TMEM248: variants seen among roughly 807,000 people sequenced by gnomAD.
TMEM248 encodes transmembrane protein 248.
TMEM248 carries 9 observed loss-of-function variants against 30.3 expected under a neutral mutation model. The observed-to-expected ratio is 0.30, with a 90% CI of 0.18 to 0.52. The LOEUF is 0.52. Ranked by LOEUF, TMEM248 falls within the 20% of genes least tolerant of loss-of-function variation. The pLI is 0.97. For synonymous variants in TMEM248, 184 were observed against 154.4 expected (o/e 1.19, Z -1.42); for missense variants, 338 against 403.3 (o/e 0.84, Z 1.39).
At chr7:66,928,053 A>G (rs1472755712) in intron 1 of TMEM248, among the ~76,000 whole-genome samples, 1 of 152,144 alleles carries the variant, frequency 6.6e-6, no homozygotes, top group Non-Finnish European at 1.5e-5. Context: ...TGTCTCTACT[A>G]AAAATACAAA....
intron 3 of TMEM248, among the ~76,000 whole-genome samples, chr7:66,945,766 CA>C (rs1439243878): frequency 6.6e-6 from 1 of 151,882 alleles, no homozygotes; most frequent in African/African-American, 2.4e-5. Context: ...GCGTGGGCAA[CA>C]TGGTGAAACC....
At chr7:66,921,650 C>G (rs1791388153) in intron 1 of TMEM248, among the ~76,000 whole-genome samples, 189 bp downstream of exon 1, 1 of 152,362 alleles carries the variant, frequency 6.6e-6, no homozygotes, top group South Asian at 2.1e-4. Context: ...CTGGTCCCCC[C>G]ACACTGGGGT....
At chr7:66,943,950 A>G (rs1437353775) in intron 2 of TMEM248, among the ~76,000 whole-genome samples, 1 of 151,978 alleles carries the variant, frequency 6.6e-6, no homozygotes, top group Non-Finnish European at 1.5e-5. Context: ...ATGCGCCACC[A>G]TGTCCAGCTA....
chr7:66,931,180 G>A (rs1791654223), intron 1 of TMEM248, among the ~76,000 whole-genome samples: 1 of 151,650 alleles, frequency 6.6e-6, no homozygotes, highest in Admixed American at 6.6e-5. Flanking sequence ...ATGTGCACCT[G>A]TAGTCTCAGC....
chr7:66,924,649 C>G (rs1032121456), intron 1 of TMEM248, among the ~76,000 whole-genome samples: 1 of 152,168 alleles, frequency 6.6e-6, no homozygotes, highest in African/African-American at 2.4e-5. Flanking sequence ...AGGTGGTCCG[C>G]CCACTGCGGC....
At chr7:66,948,012 A>T (rs1344528136) in intron 3 of TMEM248, among the ~76,000 whole-genome samples, 4 of 152,044 alleles carry the variant, frequency 2.6e-5, no homozygotes, top group Admixed American at 2.6e-4. Flanking sequence ...TCAGCCTTCT[A>T]AAGTCAAAGT....
At chr7:66,921,776 T>C (rs1791391367) in intron 1 of TMEM248, 1 of 152,204 alleles carries the variant, frequency 6.6e-6, no homozygotes, top group African/African-American at 2.4e-5. Flanking sequence ...AACATCTTGG[T>C]CGTTTGCCAT....
Position 66,948,602 on chromosome 7 carries a change from A to C in TMEM248, c.504A>C (p.Ser168=). The change falls in exon 4 of 7, where the codon TCA becomes TCC. Residue 168 remains serine (S), a synonymous_variant. Coordinates refer to ENST00000341567, the MANE Select transcript of TMEM248 (RefSeq NM_017994.5). ...ITFTLPTAWS[S]DDCALHGHCE... ...TCACCCTGCCTACAGCGTGGAGCTC[A>C]GATGACTGCGCCCTCCACGGTCACT... The C allele has an allele frequency of 6.2e-7, 1 of 1,614,188 alleles. No individual in the cohort carries two copies. Among genetic ancestry groups the C allele is most frequent in the South Asian group, 1.1e-5 (1 of 91,074 alleles).
At chr7:66,940,935 A>G (rs1791930907) in intron 1 of TMEM248, among the ~76,000 whole-genome samples, 1 of 152,224 alleles carries the variant, frequency 6.6e-6, no homozygotes, top group African/African-American at 2.4e-5. Flanking sequence ...TACGGAAGTA[A>G]CAGTATTTAT....
chr7:66,951,955 CCTGGCCCAAGCCCA>C (rs1562945420), intron 5 of TMEM248, among the ~76,000 whole-genome samples: 1 of 152,156 alleles, frequency 6.6e-6, no homozygotes, highest in Non-Finnish European at 1.5e-5. Context: ...AGCCGCTGCA[CCTGGCCCAAGCCCA>C]CTTTTTAACA....
At chr7:66,950,709 A>C (rs1410270610) in intron 4 of TMEM248, among the ~76,000 whole-genome samples, 1 of 152,210 alleles carries the variant, frequency 6.6e-6, no homozygotes, top group African/African-American at 2.4e-5. Flanking sequence ...GCAAAAATCC[A>C]ACACCCAAAC....
chr7:66,926,340 C>T (rs960726394), intron 1 of TMEM248, among the ~76,000 whole-genome samples: 1 of 152,182 alleles, frequency 6.6e-6, no homozygotes, highest in African/African-American at 2.4e-5. Flanking sequence ...AAATGGGCAG[C>T]CAGGCACCGT....
At chr7:66,938,545 A>G (rs563180580) in intron 1 of TMEM248, among the ~76,000 whole-genome samples, 23 of 152,270 alleles carry the variant, frequency 1.5e-4, no homozygotes, top group Admixed American at 2.6e-4. Flanking sequence ...GTCTCGCTCT[A>G]TCGTCGAAGC....
At chr7:66,935,588 G>T (rs1791779540) in intron 1 of TMEM248, among the ~76,000 whole-genome samples, 1 of 152,202 alleles carries the variant, frequency 6.6e-6, no homozygotes, top group Non-Finnish European at 1.5e-5. Context: ...TGTTGTGCAG[G>T]CTGGAGTGCA....
intron 1 of TMEM248, among the ~76,000 whole-genome samples, chr7:66,936,873 A>C (rs1030261489): frequency 5.3e-5 from 8 of 152,024 alleles, no homozygotes; most frequent in African/African-American, 1.9e-4. Flanking sequence ...GGTTCAAAAC[A>C]CCAACTCTTT....
chr7:66,924,452 T>G (rs930074608), intron 1 of TMEM248, among the ~76,000 whole-genome samples: 19 of 152,182 alleles, frequency 1.2e-4, no homozygotes, highest in African/African-American at 4.6e-4. Context: ...TCGTCCAGGC[T>G]AGAGTACAGT....
At chr7:66,923,271 G>C (rs1032808088) in intron 1 of TMEM248, among the ~76,000 whole-genome samples, 1 of 151,820 alleles carries the variant, frequency 6.6e-6, no homozygotes, top group Non-Finnish European at 1.5e-5. Context: ...TCAGCTGCCT[G>C]AGTAGCTGGG....
At chr7:66,930,354 C>T (rs1791632867) in intron 1 of TMEM248, among the ~76,000 whole-genome samples, 1 of 152,060 alleles carries the variant, frequency 6.6e-6, no homozygotes, top group Non-Finnish European at 1.5e-5. Context: ...ATGAGCGTGT[C>T]CCCCTTGAGC....
At chr7:66,945,303 A>G (rs937818116) in intron 3 of TMEM248, 42 bp downstream of exon 3, 2 of 1,590,818 alleles carry the variant, frequency 1.3e-6, no homozygotes, top group Non-Finnish European at 1.7e-6. Flanking sequence ...TTAGGCAACC[A>G]CTGTTACAAA....
Sources: gnomAD v4.1 joint callset for allele counts (sites outside exome capture counted in the v4.1 genomes callset) on GRCh38, gnomAD v4.1.1 for gene constraint, MANE v1.5 for transcripts, NCBI Gene and HGNC (gene_info 2026-07-23, HGNC 2026-07-21) for gene names.